Variants in CRIM1 observed in about 807,000 individuals in gnomAD.
CRIM1 encodes cysteine-rich motor neuron 1 protein.
A neutral mutation model predicts 116.4 loss-of-function variants in CRIM1; 32 were observed. The observed-to-expected ratio is 0.27, with a 90% CI of 0.21 to 0.37. The LOEUF is 0.37. CRIM1 is among the 10% of genes least tolerant of loss of function. CRIM1 has a pLI of 1.00. For synonymous variants in CRIM1, 590 were observed against 509.2 expected, an observed-to-expected ratio of 1.16 and a Z score of -2.13; for missense variants, 1,331 against 1,354.8, an observed-to-expected ratio of 0.98 and a Z score of 0.28.
chr2:36,394,461 T>C (rs1671859351), intron 1 of CRIM1, among the ~76,000 whole-genome samples: 2 of 152,142 alleles, frequency 1.3e-5, no homozygotes, highest in South Asian at 2.1e-4. Flanking sequence ...TTCTTTTCTA[T>C]GTTGAATTTT....
intron 1 of CRIM1, among the ~76,000 whole-genome samples, chr2:36,390,970 C>G (rs181294076): frequency 2.0e-5 from 3 of 151,616 alleles, no homozygotes; most frequent in Admixed American, 2.0e-4. Context: ...CCACCATACC[C>G]GGCTAATTTT....
intron 16 of CRIM1, 64 bp from the exon 17 acceptor site, chr2:36,548,461 G>T (rs1007205050): frequency 1.6e-6 from 2 of 1,276,582 alleles, no homozygotes; most frequent in Non-Finnish European, 2.2e-6. Context: ...CTAAATTTCT[G>T]TTCATTTGAG....
intron 3 of CRIM1, 83 bp from the exon 4 acceptor site, chr2:36,442,532 G>T (rs1675928487): frequency 6.5e-7 from 1 of 1,549,040 alleles, no homozygotes; most frequent in Admixed American, 1.7e-5. Flanking sequence ...TTGGACATTT[G>T]TCAAGAGCTA....
intron 8 of CRIM1, among the ~76,000 whole-genome samples, chr2:36,503,786 G>T (rs1009893278): frequency 1.4e-4 from 21 of 151,750 alleles, no homozygotes; most frequent in African/African-American, 4.8e-4. Context: ...TTATTTTTCT[G>T]CATCCCATCA....
intron 1 of CRIM1, among the ~76,000 whole-genome samples, chr2:36,359,231 C>A (rs1245078555): frequency 6.6e-6 from 1 of 152,160 alleles, no homozygotes; most frequent in Non-Finnish European, 1.5e-5. Flanking sequence ...CTGGTTGTAT[C>A]TGTTAATGAA....
At chr2:36,543,140 A>G (rs1369549679) in intron 14 of CRIM1, among the ~76,000 whole-genome samples, 24 of 152,198 alleles carry the variant, frequency 1.6e-4, no homozygotes, top group Admixed American at 1.5e-3. Flanking sequence ...AGGCAACAAG[A>G]TAACTTGGGC....
At chr2:36,506,538 A>G (rs1394719219) in intron 8 of CRIM1, among the ~76,000 whole-genome samples, 2 of 152,094 alleles carry the variant, frequency 1.3e-5, no homozygotes, top group African/African-American at 4.8e-5. Context: ...CAGCTGTGTC[A>G]CGTTTTGAGC....
chr2:36,541,485 G>T (rs929154965), intron 14 of CRIM1, among the ~76,000 whole-genome samples: 1 of 152,118 alleles, frequency 6.6e-6, no homozygotes, highest in Non-Finnish European at 1.5e-5. Flanking sequence ...TCATGGAGCT[G>T]GTTAGCAGAG....
At chr2:36,438,525 A>C (rs183178033) in intron 2 of CRIM1, among the ~76,000 whole-genome samples, 49 of 152,252 alleles carry the variant, frequency 3.2e-4, no homozygotes, top group Non-Finnish European at 1.3e-4. Context: ...TTAGTTAATC[A>C]TGTTCTCTTC....
intron 15 of CRIM1, among the ~76,000 whole-genome samples, chr2:36,544,721 G>A (rs998236388): frequency 6.6e-6 from 1 of 152,200 alleles, no homozygotes; most frequent in Admixed American, 6.5e-5. Context: ...CTGGCCCTCT[G>A]TGCTCAGAGA....
At chr2:36,382,356 A>G (rs990693818) in intron 1 of CRIM1, among the ~76,000 whole-genome samples, 2 of 152,258 alleles carry the variant, frequency 1.3e-5, no homozygotes, top group East Asian at 1.9e-4. Context: ...AACTGCTGCC[A>G]TACCTGAAGG....
intron 12 of CRIM1, among the ~76,000 whole-genome samples, chr2:36,520,827 G>A (rs764756985): frequency 6.6e-6 from 1 of 152,208 alleles, no homozygotes; most frequent in Non-Finnish European, 1.5e-5. Context: ...GGCATGTAGA[G>A]CTTCTGGATC....
At chr2:36,374,550 C>G (rs1025703108) in intron 1 of CRIM1, among the ~76,000 whole-genome samples, 3 of 152,136 alleles carry the variant, frequency 2.0e-5, no homozygotes, top group Admixed American at 1.3e-4. Flanking sequence ...ATATCAAATA[C>G]ATTGTCCTAT....
intron 12 of CRIM1, among the ~76,000 whole-genome samples, chr2:36,520,667 G>C (rs1368232687): frequency 6.6e-6 from 1 of 152,130 alleles, no homozygotes; most frequent in African/African-American, 2.4e-5. Context: ...TAAAGGAGAG[G>C]GTATGGGCCA....
At chr2:36,519,059 C>G (rs556867518) in intron 12 of CRIM1, among the ~76,000 whole-genome samples, 2 of 152,040 alleles carry the variant, frequency 1.3e-5, no homozygotes, top group Admixed American at 6.6e-5. Flanking sequence ...ATAGGCAATC[C>G]GGGAAACTAA....
intron 2 of CRIM1, among the ~76,000 whole-genome samples, chr2:36,402,269 T>C (rs1368947034): frequency 4.6e-5 from 7 of 152,144 alleles, no homozygotes; most frequent in Non-Finnish European, 7.4e-5. Flanking sequence ...CAGGGACATA[T>C]TCTATGAAGG....
intron 4 of CRIM1, among the ~76,000 whole-genome samples, chr2:36,451,173 G>C (rs1055718411): frequency 3.0e-4 from 46 of 152,260 alleles, no homozygotes; most frequent in African/African-American, 1.0e-3. Context: ...GCTTGGTGTG[G>C]GGTATAGTGG....
intron 13 of CRIM1, 124 bp from the exon 14 acceptor site, chr2:36,537,227 AC>A: frequency 2.2e-6 from 2 of 888,978 alleles, no homozygotes; most frequent in South Asian, 1.7e-5. Flanking sequence ...CAAAAGTTTC[AC>A]CAAGTTCCAG....
At chr2:36,422,401 C>G (rs1480180515) in intron 2 of CRIM1, among the ~76,000 whole-genome samples, 1 of 152,100 alleles carries the variant, frequency 6.6e-6, no homozygotes, top group African/African-American at 2.4e-5. Context: ...GTAAACCTTT[C>G]TCCCCCTGCA....
Sources: gnomAD v4.1 joint callset for allele counts (sites outside exome capture counted in the v4.1 genomes callset) on GRCh38, gnomAD v4.1.1 for gene constraint, MANE v1.5 for transcripts, NCBI Gene and HGNC (gene_info 2026-07-23, HGNC 2026-07-21) for gene names.